CTNNA3: variants seen among roughly 807,000 people sequenced by gnomAD.
CTNNA3 encodes the protein catenin alpha 3, also known as catenin alpha-3.
CTNNA3 carries 76 observed loss-of-function variants against 95.7 expected under a neutral mutation model. That is an observed-to-expected ratio of 0.79 (90% confidence interval 0.66 to 0.96). CTNNA3 has a LOEUF of 0.96. Ranked by LOEUF, CTNNA3 falls within the 40% of genes least tolerant of loss-of-function variation. The pLI is 0.00. For synonymous variants in CTNNA3, 431 were observed against 374.4 expected, an observed-to-expected ratio of 1.15 and a Z score of -1.74; for missense variants, 1,191 against 1,089.8, an observed-to-expected ratio of 1.09 and a Z score of -1.31.
At chr10:66,332,240 C>A (rs559500808) in intron 12 of CTNNA3, among the ~76,000 whole-genome samples, 1 of 151,938 alleles carries the variant, frequency 6.6e-6, no homozygotes, top group South Asian at 2.1e-4. Context: ...CCTTTATTTC[C>A]TTCTCCTGCC....
chr10:66,179,269 C>T (rs2085907025), intron 13 of CTNNA3, among the ~76,000 whole-genome samples: 1 of 151,882 alleles, frequency 6.6e-6, no homozygotes, highest in African/African-American at 2.4e-5. Context: ...GGATGAATCT[C>T]CAGACTTACG....
intron 7 of CTNNA3, among the ~76,000 whole-genome samples, chr10:66,932,391 G>C (rs1847453470): frequency 6.6e-6 from 1 of 152,160 alleles, no homozygotes. Flanking sequence ...TGAAGCCTGA[G>C]ATAAAGTGAG....
intron 7 of CTNNA3, among the ~76,000 whole-genome samples, chr10:66,825,607 A>T (rs1004885722): frequency 6.6e-6 from 1 of 152,192 alleles, no homozygotes; most frequent in African/African-American, 2.4e-5. Flanking sequence ...TGAATGAATT[A>T]AATCACTTTC....
intron 13 of CTNNA3, among the ~76,000 whole-genome samples, chr10:66,233,183 AAAAAAAAAT>A (rs1183315340): frequency 9.0e-5 from 13 of 144,932 alleles, no homozygotes; most frequent in African/African-American, 2.7e-4. Context: ...AAAAAAAAAA[AAAAAAAAAT>A]TTCAGGTGTA....
At chr10:67,583,136 T>C (rs1205601973) in intron 3 of CTNNA3, among the ~76,000 whole-genome samples, 1 of 152,144 alleles carries the variant, frequency 6.6e-6, no homozygotes, top group Non-Finnish European at 1.5e-5. Flanking sequence ...CATTAGTTGA[T>C]GCAGTTTCTT....
In CTNNA3 at chr10:66,479,352, C is replaced by T. The variant is rs77850032; in HGVS notation, c.1531+41265G>A. Among the ~76,000 whole-genome samples, 744 of 152,000 alleles carry T rather than the reference C, an allele frequency of 4.9e-3. 7 individuals are homozygous for T. The highest frequency in any genetic ancestry group is 0.017 in the African/African-American group (692 of 41,514). On this transcript the variant is annotated intron_variant, in intron 11 of 17. Coordinates refer to ENST00000433211, the MANE Select transcript of CTNNA3 (RefSeq NM_013266.4). ...AAATATGTTCAAATTATTGTTCTAC[C>T]TCAAGAGATTTTTGGCTTTTATTGA...
intron 11 of CTNNA3, among the ~76,000 whole-genome samples, chr10:66,512,136 C>T (rs1193910521): frequency 1.3e-5 from 2 of 151,800 alleles, no homozygotes; most frequent in Non-Finnish European, 2.9e-5. Context: ...ACCTCTGTGT[C>T]TTTTTATCTT....
intron 3 of CTNNA3, among the ~76,000 whole-genome samples, chr10:67,555,606 T>C (rs935343253): frequency 6.6e-6 from 1 of 152,254 alleles, no homozygotes; most frequent in African/African-American, 2.4e-5. Flanking sequence ...ATTGATTTTG[T>C]ATCCTGAGAC....
At chr10:66,454,996 T>C (rs2093486941) in intron 11 of CTNNA3, among the ~76,000 whole-genome samples, 1 of 151,974 alleles carries the variant, frequency 6.6e-6, no homozygotes, top group African/African-American at 2.4e-5. Context: ...AAATCTGTAT[T>C]AATAGTCTAA....
intron 7 of CTNNA3, among the ~76,000 whole-genome samples, chr10:67,153,853 T>C (rs1315735702): frequency 1.6e-4 from 25 of 152,124 alleles, no homozygotes; most frequent in Admixed American, 1.6e-3. Context: ...AGGTACACTA[T>C]TTAAAAATTA....
At chr10:66,323,551 C>A (rs1464289475) in intron 12 of CTNNA3, among the ~76,000 whole-genome samples, 2 of 151,526 alleles carry the variant, frequency 1.3e-5, no homozygotes, top group African/African-American at 4.8e-5. Context: ...CTCAAGGAGG[C>A]TGAGGCAGAA....
At chr10:66,968,418 A>T (rs964195093) in intron 7 of CTNNA3, among the ~76,000 whole-genome samples, 5 of 102,910 alleles carry the variant, frequency 4.9e-5, no homozygotes, top group South Asian at 2.4e-4. Flanking sequence ...GAAAGAAATT[A>T]AAAAAAAGAG....
At chr10:67,191,269 G>A (rs7082948) in intron 6 of CTNNA3, among the ~76,000 whole-genome samples, 55,547 of 151,700 alleles carry the variant, frequency 0.37, 14,566 homozygotes, top group African/African-American at 0.75. Context: ...TAAGCAAGAA[G>A]AAGAAATAAA....
At chr10:66,036,470 T>C (rs1343517578) in intron 15 of CTNNA3, among the ~76,000 whole-genome samples, 5 of 152,128 alleles carry the variant, frequency 3.3e-5, no homozygotes, top group Non-Finnish European at 2.9e-5. Context: ...GTCTCCTGGG[T>C]TCAAGTGATT....
chr10:67,748,334 A>C lies in CTNNA3; in HGVS notation c.-2+15100T>G, dbSNP rs914209613. On this transcript the variant is annotated intron_variant, in intron 1 of 17. Coordinates refer to the CTNNA3 transcript ENST00000684154. ...CTCCAAGGTCAAAATGAAGGAAAAAATGTTAAGGGCAGCCAGAGAAAAAGG... is the reference window on the plus strand; with the variant it reads ...CTCCAAGGTCAAAATGAAGGAAAAACTGTTAAGGGCAGCCAGAGAAAAAGG... 3.9e-5 allele frequency among the ~76,000 whole-genome samples: 6 copies of C among 152,270 alleles called. No homozygotes were observed. The South Asian group carries it at 8.3e-4, about 21-fold the overall frequency.
chr10:66,152,255 A>G (rs1428996023), intron 13 of CTNNA3, among the ~76,000 whole-genome samples: 3 of 151,942 alleles, frequency 2.0e-5, no homozygotes, highest in African/African-American at 7.2e-5. Context: ...AAAGTTAAAT[A>G]TACATCCAAT....
intron 5 of CTNNA3, among the ~76,000 whole-genome samples, chr10:67,488,788 G>A (rs933455627): frequency 6.6e-6 from 1 of 151,484 alleles, no homozygotes; most frequent in Admixed American, 6.6e-5. Flanking sequence ...TCCTGTCTCA[G>A]CCTCCTGAGT....
chr10:67,551,162 A>G (rs1229007519), intron 3 of CTNNA3, among the ~76,000 whole-genome samples: 1 of 152,084 alleles, frequency 6.6e-6, no homozygotes, highest in Non-Finnish European at 1.5e-5. Flanking sequence ...GCAGACACAC[A>G]AGCGGCTGCA....
intron 12 of CTNNA3, among the ~76,000 whole-genome samples, chr10:66,332,715 T>C (rs968079803): frequency 3.3e-5 from 5 of 152,084 alleles, no homozygotes; most frequent in Non-Finnish European, 7.4e-5. Flanking sequence ...CTGCCAGGCT[T>C]TGGTATCAGG....
Sources: gnomAD v4.1 joint callset for allele counts (sites outside exome capture counted in the v4.1 genomes callset) on GRCh38, gnomAD v4.1.1 for gene constraint, MANE v1.5 for transcripts, NCBI Gene and HGNC (gene_info 2026-07-23, HGNC 2026-07-21) for gene names.